Variants in NAV3 observed in about 807,000 individuals in gnomAD.
NAV3 encodes the protein neuron navigator 3.
NAV3 carries 87 observed loss-of-function variants against 244.7 expected under a neutral mutation model. The ratio of observed to expected loss-of-function variants is 0.36; its 90% confidence interval spans 0.30 to 0.42. The LOEUF is 0.42. Ranked by LOEUF, NAV3 falls within the 20% of genes least tolerant of loss-of-function variation. The pLI is 1.00. For synonymous variants in NAV3, 1,126 were observed against 1,042.2 expected (o/e 1.08, Z -1.55); for missense variants, 2,663 against 2,893.3 (o/e 0.92, Z 1.83).
Position 77,998,359 on chromosome 12 carries a change from C to T in NAV3, c.763C>T (p.Pro255Ser), listed in dbSNP as rs373504958. 1 of 1,592,346 alleles carries T rather than the reference C, an allele frequency of 6.3e-7. No homozygotes were observed. The highest frequency in any genetic ancestry group is 8.5e-7 in the Non-Finnish European group (1 of 1,170,324). ...PTRLPGPSRV[P>S]AAGSSSKVQG... ...CAGGCTTCCAGGGCCCTCTAGGGTG[C>T]CTGCTGCAGGAAGCAGCAGCAAGGT... Residue 255 changes from proline to serine, a missense_variant, in exon 7 of 40, where the codon CCT becomes TCT. This residue lies in a region of NAV3 where 1,521 missense variants were observed against 1,497.0 expected (regional missense o/e 1.02). Transcript: ENST00000397909.
chr12:78,163,334 G>T (rs1957645384), intron 23 of NAV3, among the ~76,000 whole-genome samples: 1 of 152,024 alleles, frequency 6.6e-6, no homozygotes. Context: ...AAATTTGTGT[G>T]GCAGAACACT....
chr12:77,875,919 A>T (rs2076754636), intron 1 of NAV3, among the ~76,000 whole-genome samples: 1 of 152,050 alleles, frequency 6.6e-6, no homozygotes, highest in African/African-American at 2.4e-5. Flanking sequence ...CCTGAAGAAA[A>T]ATACAGCATT....
intron 8 of NAV3, among the ~76,000 whole-genome samples, chr12:78,019,052 A>G (rs1277318601): frequency 6.6e-6 from 1 of 152,108 alleles, no homozygotes; most frequent in Non-Finnish European, 1.5e-5. Context: ...TTTAATATTG[A>G]CCAGAATTTC....
At chr12:77,856,499 A>G (rs1878417971) in intron 1 of NAV3, among the ~76,000 whole-genome samples, 2 of 152,242 alleles carry the variant, frequency 1.3e-5, no homozygotes, top group Admixed American at 6.5e-5. Context: ...TTTGAATAAG[A>G]CTATATTTGG....
chr12:78,002,952 T>C (rs575111263), intron 7 of NAV3, among the ~76,000 whole-genome samples: 59 of 151,888 alleles, frequency 3.9e-4, no homozygotes, highest in Middle Eastern at 6.8e-3. Flanking sequence ...CCACAAAGTA[T>C]ATATGCCTGT....
intron 1 of NAV3, among the ~76,000 whole-genome samples, chr12:77,883,942 T>G (rs1006495102): frequency 3.3e-5 from 5 of 152,164 alleles, no homozygotes; most frequent in Non-Finnish European, 7.4e-5. Flanking sequence ...GAACTGTATT[T>G]GGCCACATGA....
In NAV3 at chr12:77,831,512, A is replaced by T. The variant is rs777867475; in HGVS notation, c.51A>T (p.Ser17=). 7 of 1,613,872 alleles carry T rather than the reference A, an allele frequency of 4.3e-6. No homozygotes were observed. The East Asian group carries it at 1.6e-4, about 36-fold the overall frequency. The change falls in exon 1 of 40, where the codon TCA becomes TCT. Residue 17 remains serine (S), a synonymous_variant. Coordinates refer to ENST00000397909, the MANE Select transcript of NAV3 (RefSeq NM_001024383.2). Reference sequence around the variant, plus strand: ...AACTGAGGCAGCCAGCTGTTGGGTCAAAGCCTGTGCATACTGCTCTTCCGA... The same window carrying T: ...AACTGAGGCAGCCAGCTGTTGGGTCTAAGCCTGTGCATACTGCTCTTCCGA... The part of the protein sequence containing the change: ...ASKLRQPAVG[S]KPVHTALPIP...
Position 77,977,317 on chromosome 12 carries a change from A to C in NAV3, c.671+8615A>C, listed in dbSNP as rs1868626363. ...ACAATTTGTATGTGTCAATTAAAAA[A>C]AGAGATAGCAAATATAGGCAGGTCT... On this transcript the variant is annotated intron_variant, in intron 5 of 39. Transcript: ENST00000397909. Among the ~76,000 whole-genome samples, 6 of 152,184 alleles carry C rather than the reference A, an allele frequency of 3.9e-5. No individual in the cohort carries two copies. In the South Asian group the frequency reaches 1.2e-3, roughly 32 times the overall value.
At chr12:77,845,828 G>GT (rs1310294679) in intron 1 of NAV3, among the ~76,000 whole-genome samples, 3 of 151,676 alleles carry the variant, frequency 2.0e-5, no homozygotes, top group Non-Finnish European at 4.4e-5. Flanking sequence ...TAATTTTGTA[G>GT]TTTTAGTAGA....
intron 5 of NAV3, among the ~76,000 whole-genome samples, chr12:77,982,881 C>T (rs990960572): frequency 2.0e-5 from 3 of 152,150 alleles, no homozygotes; most frequent in Non-Finnish European, 1.5e-5. Flanking sequence ...ACGGCCACTC[C>T]AGCATGGCAG....
At chr12:77,962,494 C>T (rs1029643491) in intron 3 of NAV3, among the ~76,000 whole-genome samples, 8 of 152,156 alleles carry the variant, frequency 5.3e-5, no homozygotes, top group African/African-American at 1.9e-4. Context: ...TGACTCTTCT[C>T]TTTCTCTCAA....
At chr12:77,749,250 G>T (rs559619023) in intron 2 of NAV3, among the ~76,000 whole-genome samples, 1 of 152,110 alleles carries the variant, frequency 6.6e-6, no homozygotes, top group African/African-American at 2.4e-5. Context: ...AACAGAAAAA[G>T]AAATATCATT....
chr12:77,752,738 TTAAA>T (rs1389366270), intron 2 of NAV3, among the ~76,000 whole-genome samples: 1 of 152,160 alleles, frequency 6.6e-6, no homozygotes, highest in African/African-American at 2.4e-5. Context: ...CTTATAATAA[TTAAA>T]TAAGGCAAGC....
chr12:78,045,883 G>A (rs1000526621), intron 9 of NAV3, among the ~76,000 whole-genome samples: 2 of 152,102 alleles, frequency 1.3e-5, no homozygotes, highest in African/African-American at 4.8e-5. Context: ...TGGTTGGTAG[G>A]CTATTAATTA....
intron 2 of NAV3, among the ~76,000 whole-genome samples, chr12:77,613,859 A>G (rs1294398218): frequency 6.6e-6 from 1 of 152,128 alleles, no homozygotes; most frequent in African/African-American, 2.4e-5. Flanking sequence ...ACCACAAACC[A>G]AGTCTACCTG....
At chr12:78,148,418 G>T (rs915369108) in intron 21 of NAV3, among the ~76,000 whole-genome samples, 3 of 151,972 alleles carry the variant, frequency 2.0e-5, no homozygotes, top group Non-Finnish European at 4.4e-5. Flanking sequence ...AAAAACCTAA[G>T]ATTTTCTGAA....
rs76287456 is a variant in NAV3 at position 77,674,926 on chromosome 12, A to T, written c.72+102660A>T. ...TTGTATTTGAACTGTACTAAGTGCC[A>T]CAAGAGAGAACAAATGTCATGTCTT... On this transcript the variant is annotated intron_variant, in intron 2 of 8. Transcript: ENST00000550042. Among the ~76,000 whole-genome samples the T allele has an allele frequency of 7.3e-3, 1,110 of 152,306 alleles. 18 individuals carry two copies. The highest frequency in any genetic ancestry group is 0.026 in the African/African-American group (1,061 of 41,570).
chr12:77,933,887 C>A (rs1009747258), intron 1 of NAV3, among the ~76,000 whole-genome samples: 71 of 152,300 alleles, frequency 4.7e-4, no homozygotes, highest in African/African-American at 1.3e-3. Flanking sequence ...GATTTTGCAA[C>A]CTTCTTTGTC....
chr12:77,823,812 G>A (rs1872847750), intron 2 of NAV3, among the ~76,000 whole-genome samples: 1 of 152,108 alleles, frequency 6.6e-6, no homozygotes. Context: ...AATGGCAGAG[G>A]TGATGGAATT....
Sources: gnomAD v4.1 joint callset for allele counts (sites outside exome capture counted in the v4.1 genomes callset) on GRCh38, gnomAD v4.1.1 for gene constraint, gnomAD v4.1.1 regional missense constraint, MANE v1.5 for transcripts, NCBI Gene and HGNC (gene_info 2026-07-23, HGNC 2026-07-21) for gene names.